CNTNAP5: variants seen among roughly 807,000 people sequenced by gnomAD.
The protein encoded by CNTNAP5 is contactin associated protein family member 5.
Under a neutral mutation model 150.2 loss-of-function variants are expected in CNTNAP5, and 72 were observed. The ratio of observed to expected loss-of-function variants is 0.48; its 90% CI spans 0.40 to 0.58. CNTNAP5 has a LOEUF of 0.58. Among genes scored for constraint, CNTNAP5 ranks in the 20% least tolerant of loss-of-function variants. The pLI is 0.00. For synonymous variants in CNTNAP5, 672 were observed against 619.8 expected (o/e 1.08, Z -1.25); for missense variants, 1,636 against 1,626.2 (o/e 1.01, Z -0.10).
chr2:124,050,553 C>G (rs2104642104), intron 1 of CNTNAP5, among the ~76,000 whole-genome samples: 1 of 152,172 alleles, frequency 6.6e-6, no homozygotes, highest in African/African-American at 2.4e-5. Context: ...AGGGGCATAT[C>G]TACTCCACTT....
chr2:124,695,884 G>A (rs966210627), intron 13 of CNTNAP5, among the ~76,000 whole-genome samples: 2 of 152,104 alleles, frequency 1.3e-5, no homozygotes, highest in African/African-American at 4.8e-5. Context: ...GCATATTTTT[G>A]CTTGTAATTG....
At chr2:124,684,648 G>A (rs1233272415) in intron 13 of CNTNAP5, among the ~76,000 whole-genome samples, 1 of 152,158 alleles carries the variant, frequency 6.6e-6, no homozygotes, top group Non-Finnish European at 1.5e-5. Context: ...AAAGTGAGGA[G>A]GATCCCACCT....
At chr2:124,143,815 T>G (rs1402292382) in intron 1 of CNTNAP5, among the ~76,000 whole-genome samples, 1 of 99,284 alleles carries the variant, frequency 1.0e-5, no homozygotes, top group African/African-American at 3.9e-5. Context: ...GAGAAGGAAA[T>G]AAAGGGTATT....
intron 9 of CNTNAP5, among the ~76,000 whole-genome samples, chr2:124,525,290 C>T (rs1694938058): frequency 6.6e-6 from 1 of 152,150 alleles, no homozygotes; most frequent in Non-Finnish European, 1.5e-5. Flanking sequence ...CTTATAGTCC[C>T]TAAACTTCCT....
chr2:124,140,161 G>GC (rs1684080422), intron 1 of CNTNAP5, among the ~76,000 whole-genome samples: 1 of 150,840 alleles, frequency 6.6e-6, no homozygotes. Context: ...CTCGCTGATT[G>GC]CTAGCACAGC....
chr2:124,630,871 C>T (rs1677841243), intron 12 of CNTNAP5, among the ~76,000 whole-genome samples: 1 of 152,170 alleles, frequency 6.6e-6, no homozygotes, highest in Non-Finnish European at 1.5e-5. Context: ...GCAACTTCAG[C>T]AAAGTCTTGG....
At chr2:124,383,671 G>T (rs1298883764) in intron 3 of CNTNAP5, among the ~76,000 whole-genome samples, 1 of 152,100 alleles carries the variant, frequency 6.6e-6, no homozygotes, top group Non-Finnish European at 1.5e-5. Context: ...AAATTGCAAG[G>T]CTATTATGAA....
intron 3 of CNTNAP5, among the ~76,000 whole-genome samples, chr2:124,370,292 G>A (rs1690491256): frequency 6.6e-6 from 1 of 151,820 alleles, no homozygotes; most frequent in Non-Finnish European, 1.5e-5. Flanking sequence ...AGACAAAGCA[G>A]CAGGAAGAAG....
intron 19 of CNTNAP5, among the ~76,000 whole-genome samples, chr2:124,818,769 C>A (rs1338324948): frequency 6.6e-6 from 1 of 152,116 alleles, no homozygotes; most frequent in African/African-American, 2.4e-5. Flanking sequence ...CCATTCACAG[C>A]ATGAGAGACC....
chr2:124,698,528 A>G (rs181823379), intron 13 of CNTNAP5, among the ~76,000 whole-genome samples: 67 of 152,226 alleles, frequency 4.4e-4, no homozygotes, highest in Admixed American at 4.0e-3. Flanking sequence ...TTTTGTTCCT[A>G]TCAAATTGAA....
At chr2:124,873,225 A>G (rs985222500) in intron 21 of CNTNAP5, among the ~76,000 whole-genome samples, 1 of 151,986 alleles carries the variant, frequency 6.6e-6, no homozygotes, top group Non-Finnish European at 1.5e-5. Context: ...GGTGCCACAC[A>G]ATTTTAAACA....
intron 22 of CNTNAP5, among the ~76,000 whole-genome samples, chr2:124,909,841 A>ATATG (rs1678618301): frequency 7.1e-6 from 1 of 140,766 alleles, no homozygotes. Flanking sequence ...ATATATATAT[A>ATATG]TATATATATA....
intron 2 of CNTNAP5, among the ~76,000 whole-genome samples, chr2:124,225,926 T>C (rs1426900896): frequency 6.6e-6 from 1 of 152,182 alleles, no homozygotes; most frequent in Non-Finnish European, 1.5e-5. Flanking sequence ...ACTAGGCTCA[T>C]CTATGATGTT....
At chr2:124,483,985 G>C (rs1332608040) in intron 7 of CNTNAP5, among the ~76,000 whole-genome samples, 1 of 152,062 alleles carries the variant, frequency 6.6e-6, no homozygotes, top group African/African-American at 2.4e-5. Flanking sequence ...TCTCCATCTT[G>C]ATCACTCATC....
chr2:124,434,628 G>A lies in CNTNAP5; in HGVS notation c.674G>A (p.Arg225His), dbSNP rs760438818. The change falls in exon 5 of 24, where the codon CGT becomes CAT. Residue 225 changes from arginine to histidine, a missense_variant. Physicochemically the swap from Arg to His is conservative, Grantham distance 29 (BLOSUM62 0). Coordinates refer to ENST00000682447, the MANE Select transcript of CNTNAP5 (RefSeq NM_001367498.1). ...DGVLFHGEGQ[R>H]GDHITLELQK... is the part of the protein sequence containing the mutation. ...GTCCTGTTCCATGGAGAAGGTCAGC[G>A]TGGAGACCACATCACCTTGGAACTC... 1.5e-5 allele frequency: 24 copies of A among 1,613,850 alleles called. No individual in the cohort carries two copies. The highest frequency in any genetic ancestry group is 5.5e-5 in the South Asian group (5 of 91,074).
At chr2:124,252,073 A>G (rs780039) in intron 3 of CNTNAP5, among the ~76,000 whole-genome samples, 121,760 of 152,206 alleles carry the variant, frequency 0.8, 48,834 homozygotes, top group South Asian at 0.87. Context: ...TCTGAGAAGT[A>G]GACACTTTCA....
chr2:124,477,311 A>G (rs891025853), intron 7 of CNTNAP5, among the ~76,000 whole-genome samples: 2 of 152,100 alleles, frequency 1.3e-5, no homozygotes, highest in African/African-American at 4.8e-5. Context: ...GATAAATATA[A>G]TCTATAAGAA....
chr2:124,120,106 C>G (rs1233394518), intron 1 of CNTNAP5, among the ~76,000 whole-genome samples: 1 of 152,118 alleles, frequency 6.6e-6, no homozygotes, highest in East Asian at 1.9e-4. Context: ...GGATAGAGCA[C>G]CAGCCATTGT....
intron 21 of CNTNAP5, among the ~76,000 whole-genome samples, chr2:124,874,967 A>C (rs77122583): frequency 6.6e-6 from 1 of 152,088 alleles, no homozygotes; most frequent in Non-Finnish European, 1.5e-5. Context: ...CTCAAAAAAA[A>C]TACAGAAATT....
Sources: allele counts gnomAD v4.1 joint callset (sites outside exome capture counted in the v4.1 genomes callset), GRCh38; gene constraint gnomAD v4.1.1; transcripts MANE v1.5; gene names NCBI Gene and HGNC (gene_info 2026-07-23, HGNC 2026-07-21).